Variants in STK3 observed in about 807,000 individuals in gnomAD.
The protein encoded by STK3 is serine/threonine-protein kinase 3.
In STK3, 41 loss-of-function variants were observed where a neutral mutation model predicts 58.0. The observed-to-expected ratio is 0.71, with a 90% confidence interval of 0.55 to 0.92. The LOEUF is 0.92. Ranked by LOEUF, STK3 falls within the 40% of genes least tolerant of loss-of-function variation. STK3 has a pLI of 0.00. For synonymous variants in STK3, 170 were observed against 191.0 expected, an observed-to-expected ratio of 0.89 and a Z score of 0.91; for missense variants, 479 against 602.7, an observed-to-expected ratio of 0.79 and a Z score of 2.15.
intron 3 of STK3, among the ~76,000 whole-genome samples, chr8:98,846,856 T>TAC (rs374739035): frequency 0.08 from 11,427 of 143,280 alleles, 445 homozygotes; most frequent in East Asian, 0.12. Context: ...TTCAGGATCC[T>TAC]ACACACACAC....
chr8:98,604,664 G>C (rs1007088883), intron 6 of STK3, among the ~76,000 whole-genome samples: 1 of 152,140 alleles, frequency 6.6e-6, no homozygotes, highest in African/African-American at 2.4e-5. Flanking sequence ...AGTCTCAACT[G>C]TTGCCTTCCT....
rs74820905 is a variant in STK3 at position 98,484,223 on chromosome 8, T to C, written c.1318-28223A>G. On this transcript the variant is annotated intron_variant, in intron 10 of 10. Transcript: ENST00000419617. ...AGGCCATTTAAACAAAGAAAATAAT[T>C]TCTTTCCTACAAAAATCAGGGGAAA... Among the ~76,000 whole-genome samples the C allele has an allele frequency of 6.0e-5, 9 of 149,902 alleles. No homozygotes were observed. The East Asian group carries it at 1.8e-3, about 29-fold the overall frequency.
intron 9 of STK3, among the ~76,000 whole-genome samples, chr8:98,536,710 A>G (rs1045588493): frequency 6.6e-6 from 1 of 152,240 alleles, no homozygotes; most frequent in Non-Finnish European, 1.5e-5. Context: ...TCATCAAATG[A>G]GAAAAGAAAT....
the STK3 span, among the ~76,000 whole-genome samples, chr8:98,354,509 G>A: frequency 6.6e-6 from 1 of 152,214 alleles, no homozygotes; most frequent in Non-Finnish European, 1.5e-5. Context: ...TGTCGGTGAT[G>A]ATTTCATCAA....
chr8:98,649,867 T>C (rs964793013), intron 6 of STK3, among the ~76,000 whole-genome samples: 4 of 152,214 alleles, frequency 2.6e-5, no homozygotes, highest in Admixed American at 6.5e-5. Context: ...AAAGCCAGCA[T>C]GCTCTTTCCT....
intron 1 of STK3, among the ~76,000 whole-genome samples, chr8:98,780,358 G>T (rs1425196907): frequency 6.6e-6 from 1 of 152,016 alleles, no homozygotes; most frequent in African/African-American, 2.4e-5. Flanking sequence ...TATTAGCTCA[G>T]TGTAGACTTA....
At chr8:98,491,185 G>GAGAC (rs1487547636) in intron 10 of STK3, among the ~76,000 whole-genome samples, 1 of 151,664 alleles carries the variant, frequency 6.6e-6, no homozygotes, top group African/African-American at 2.4e-5. Context: ...GAGAGAGAGA[G>GAGAC]AGAGAGAGAG....
downstream of STK3, among the ~76,000 whole-genome samples, chr8:98,367,271 T>C (rs1436890570): frequency 1.3e-5 from 2 of 152,248 alleles, no homozygotes; most frequent in East Asian, 1.9e-4. Context: ...CTAAAAGTTT[T>C]CTTAAAAAGT....
intron 3 of STK3, among the ~76,000 whole-genome samples, chr8:98,840,344 T>G (rs1214187304): frequency 3.7e-5 from 4 of 107,844 alleles, no homozygotes; most frequent in Non-Finnish European, 7.5e-5. Context: ...AGAGTGAGAC[T>G]CTGGTTAAAA....
At chr8:98,741,904 G>C (rs529807656) in intron 4 of STK3, among the ~76,000 whole-genome samples, 93 of 152,150 alleles carry the variant, frequency 6.1e-4, no homozygotes, top group African/African-American at 2.1e-3. Context: ...GGGATATCAC[G>C]ACCGATCCCA....
chr8:98,595,835 G>T, intron 7 of STK3, 197 bp downstream of exon 7: 1 of 474,464 alleles, frequency 2.1e-6, no homozygotes, highest in Non-Finnish European at 3.6e-6. Flanking sequence ...AGAATGCTTT[G>T]GAAATTTTGT....
chr8:98,598,378 CA>C, intron 6 of STK3: 1 of 985,344 alleles, frequency 1.0e-6, no homozygotes. Flanking sequence ...ATTCTACCCT[CA>C]AATATGCATT....
intron 1 of STK3, among the ~76,000 whole-genome samples, chr8:98,446,019 T>C (rs1439131518): frequency 6.6e-6 from 1 of 151,890 alleles, no homozygotes; most frequent in Non-Finnish European, 1.5e-5. Context: ...GCAGAGAGAG[T>C]AAGCAAGACA....
chr8:98,893,480 A>AAGAGAG (rs1564087197), intron 1 of STK3, among the ~76,000 whole-genome samples: 2 of 68,556 alleles, frequency 2.9e-5, no homozygotes, highest in African/African-American at 1.3e-4. Context: ...GAAAGAAAGA[A>AAGAGAG]AGAAAGAGAA....
At chr8:98,862,735 G>A (rs905913356) in intron 3 of STK3, among the ~76,000 whole-genome samples, 2 of 152,256 alleles carry the variant, frequency 1.3e-5, no homozygotes, top group African/African-American at 2.4e-5. Flanking sequence ...GCTGGTATCA[G>A]AGGGATTGCA....
At chr8:98,881,163 A>T (rs1055703143), downstream of STK3, 1 of 152,262 alleles carries the variant, frequency 6.6e-6, no homozygotes, top group African/African-American at 2.4e-5. Context: ...AGGCTGTAGT[A>T]CATCCATACA....
upstream of STK3, among the ~76,000 whole-genome samples, chr8:98,828,191 G>C (rs543106737): frequency 1.3e-5 from 2 of 151,678 alleles, no homozygotes; most frequent in Middle Eastern, 3.2e-3. Flanking sequence ...GGCCAAGCTG[G>C]TCTTGAACTC....
intron 9 of STK3, among the ~76,000 whole-genome samples, chr8:98,545,727 C>A (rs1234002857): frequency 6.6e-6 from 1 of 151,872 alleles, no homozygotes; most frequent in Non-Finnish European, 1.5e-5. Flanking sequence ...TTTTAGAAAA[C>A]CAAAAATAAT....
intron 1 of STK3, among the ~76,000 whole-genome samples, chr8:98,938,765 G>A (rs1002975285): frequency 2.0e-5 from 3 of 152,202 alleles, no homozygotes; most frequent in African/African-American, 7.2e-5. Flanking sequence ...GGTTGGCAAG[G>A]TGTGGGCAAT....
Sources: allele counts gnomAD v4.1 joint callset (sites outside exome capture counted in the v4.1 genomes callset), GRCh38; gene constraint gnomAD v4.1.1; transcripts MANE v1.5; gene names NCBI Gene and HGNC (gene_info 2026-07-23, HGNC 2026-07-21).